KCNA4: variants seen among roughly 807,000 people sequenced by gnomAD.
The protein encoded by KCNA4 is cardiac potassium channel.
A neutral mutation model predicts 37.2 loss-of-function variants in KCNA4; 5 were observed. That is an observed-to-expected ratio of 0.13 (90% confidence interval 0.07 to 0.28). The LOEUF (loss-of-function observed/expected upper bound fraction) is 0.28, where lower values mean the gene tolerates loss of function less well. KCNA4 is among the 10% of genes least tolerant of loss of function. KCNA4 has a pLI of 1.00. For synonymous variants in KCNA4, 350 were observed against 311.8 expected, an observed-to-expected ratio of 1.12 and a Z score of -1.29; for missense variants, 634 against 817.4, an observed-to-expected ratio of 0.78 and a Z score of 2.74.
chr11:30,014,916 C>T (rs780626346), intron 1 of KCNA4, among the ~76,000 whole-genome samples: 32 of 152,112 alleles, frequency 2.1e-4, no homozygotes, highest in Admixed American at 3.9e-4. Flanking sequence ...AGAGAAATGG[C>T]TTTCTGAAGC....
chr11:30,011,510 C>T lies in KCNA4; in HGVS notation c.1169G>A (p.Cys390Tyr), dbSNP rs1238437694. ...VWFSFEFVVRCFACPSQALFF... is the reference protein window; with the variant it reads ...VWFSFEFVVRYFACPSQALFF... The stretch of plus-strand genomic sequence containing the variant: ...GAGTGCTTGGCTGGGACAAGCAAAG[C>T]AGCGAACCACAAACTCAAAGGAAAA... The change falls in exon 2 of 2, where the codon TGC becomes TAC. Residue 390 changes from cysteine (C) to tyrosine (Y), a missense_variant. Cys to Tyr is a radical substitution (Grantham distance 194). Transcript: ENST00000328224. This position sits in a 1 kb window ranked among gnomAD's most constrained non-coding sequence, Gnocchi z 5.6. 6.2e-7 allele frequency: 1 copy of T among 1,614,110 alleles called. No individual in the cohort carries two copies. Among genetic ancestry groups the T allele is most frequent in the East Asian group, 2.2e-5 (1 of 44,868 alleles).
Position 30,009,993 on chromosome 11 carries a change from G to A in KCNA4, c.*724C>T, listed in dbSNP as rs148575227. 1 of 152,192 alleles carries A rather than the reference G, an allele frequency of 6.6e-6. No homozygotes were observed. Among genetic ancestry groups the A allele is most frequent in the Non-Finnish European group, 1.5e-5 (1 of 67,982 alleles). 9.4% of individuals were successfully genotyped at this position (152,192 alleles called of 1,614,324 possible). A position where few individuals can be genotyped will look rare whatever the true frequency, so the allele number is the denominator to read the frequency against. ...TGCAAAGAAAAAAAAATCCAGTCCTGTTACCTGCAAACAAAACTTATTACA... is the reference window on the plus strand; with the variant it reads ...TGCAAAGAAAAAAAAATCCAGTCCTATTACCTGCAAACAAAACTTATTACA... On this transcript the variant is annotated 3_prime_UTR_variant, in exon 2 of 2. Coordinates refer to ENST00000328224, the MANE Select transcript of KCNA4 (RefSeq NM_002233.4).
At chr11:30,016,073 T>C (rs1850347535) in intron 1 of KCNA4, among the ~76,000 whole-genome samples, 1 of 152,000 alleles carries the variant, frequency 6.6e-6, no homozygotes, top group East Asian at 1.9e-4. Context: ...GTGAGAAATA[T>C]ACACTTCAAC....
At position 30,011,461 on chromosome 11, in the gene KCNA4, G is replaced by A; in HGVS notation, c.1218C>T (p.Ile406=). The change falls in exon 2 of 2, where the codon ATC becomes ATT. Residue 406 remains isoleucine (I), a synonymous_variant. Coordinates refer to ENST00000328224, the MANE Select transcript of KCNA4 (RefSeq NM_002233.4). This position sits in a 1 kb window ranked among gnomAD's most constrained non-coding sequence, Gnocchi z 5.6. The stretch of plus-strand genomic sequence containing the variant: ...AAGGCAAAATGGAGACAATGTCAAT[G>A]ATGTTCATGATGTTTTTGAAGAAGA... ...QALFFKNIMN[I]IDIVSILPYF... 6.2e-7 allele frequency: 1 copy of A among 1,614,164 alleles called. No homozygotes were observed. The highest frequency in any genetic ancestry group is 8.5e-7 in the Non-Finnish European group (1 of 1,180,030).
chr11:30,012,592 C>G lies in KCNA4; in HGVS notation c.87G>C (p.Glu29Asp). 1 of 1,607,998 alleles carries G rather than the reference C, an allele frequency of 6.2e-7. No homozygotes were observed. Among genetic ancestry groups the G allele is most frequent in the Middle Eastern group, 1.7e-4 (1 of 6,060 alleles). ...YGYAAQARAR[E>D]RERLAHSRAA... ...CCCTGGAGTGAGCAAGCCTCTCCCG[C>G]TCCCGGGCCCGGGCCTGGGCAGCAT... Residue 29 changes from glutamate to aspartate, a missense_variant, in exon 2 of 2, where the codon GAG (glutamate) becomes GAC (aspartate). Around this residue, in one of 8 missense-constraint regions of KCNA4, gnomAD observed 236 missense variants for 229.5 expected, o/e 1.03. Transcript: ENST00000328224.
At position 30,011,218 on chromosome 11, in the gene KCNA4, A is replaced by T. The variant is rs1850299856; in HGVS notation, c.1461T>A (p.Ile487=). 6.2e-7 allele frequency: 1 copy of T among 1,614,156 alleles called. No homozygotes were observed. Among genetic ancestry groups the T allele is most frequent in the East Asian group, 2.2e-5 (1 of 44,860 alleles). ...CAGCACTAGAAAAGAGGATGACCCC[A>T]ATGAAGAGGAAGAAGATCAGAAGGC... ...ELGLLIFFLF[I]GVILFSSAVY... is the part of the protein sequence containing the mutation. The change falls in exon 2 of 2, where the codon ATT becomes ATA. Residue 487 remains isoleucine (I), a synonymous_variant. Coordinates refer to ENST00000328224, the MANE Select transcript of KCNA4 (RefSeq NM_002233.4). The surrounding 1 kb of genome is among the most constrained non-coding windows in gnomAD (Gnocchi z 5.6).
chr11:30,015,418 C>A (rs771538612), intron 1 of KCNA4, among the ~76,000 whole-genome samples: 1 of 152,200 alleles, frequency 6.6e-6, no homozygotes, highest in Non-Finnish European at 1.5e-5. Flanking sequence ...CACACACTGC[C>A]TTCCCACCCA....
In KCNA4 at chr11:30,010,463, T is replaced by C; in HGVS notation, c.*254A>G. On this transcript the variant is annotated 3_prime_UTR_variant, in exon 2 of 2. Coordinates refer to ENST00000328224, the MANE Select transcript of KCNA4 (RefSeq NM_002233.4). ...TCTTTACTGTTAACATCTTTTCCAG[T>C]TAATGTGCAAAATTCTTGCATTCTA... The C allele has an allele frequency of 1.9e-6, 1 of 522,992 alleles. No individual in the cohort carries two copies. Among genetic ancestry groups the C allele is most frequent in the Non-Finnish European group, 3.2e-6 (1 of 312,746 alleles). The allele number at this position is 522,992 out of a possible 1,614,324, so 32.4% of individuals were successfully genotyped here. A position where few individuals can be genotyped will look rare whatever the true frequency, so the allele number is the denominator to read the frequency against.
In KCNA4 at chr11:30,012,730, A is replaced by G; in HGVS notation, c.-52T>C. 1.3e-6 allele frequency: 2 copies of G among 1,507,202 alleles called. No individual in the cohort carries two copies. Among genetic ancestry groups the G allele is most frequent in the South Asian group, 1.4e-5 (1 of 73,382 alleles). 93.4% of individuals were successfully genotyped at this position (1,507,202 alleles called of 1,614,324 possible). ...TCCAGTTGTAGAAGAAGAAGAAAGA[A>G]AAATAGGGCAGCTTCTTTTCTCACC... is the stretch of plus-strand genomic sequence containing the variant. On this transcript the variant is annotated 5_prime_UTR_variant, in exon 2 of 2. Transcript: ENST00000328224.
intron 1 of KCNA4, among the ~76,000 whole-genome samples, chr11:30,014,614 C>T (rs1038802451): frequency 6.6e-6 from 1 of 151,894 alleles, no homozygotes; most frequent in African/African-American, 2.4e-5. Flanking sequence ...CAATCTCACA[C>T]TTCTGAATTG....
Position 30,011,501 on chromosome 11 carries a change from C to G in KCNA4, c.1178G>C (p.Cys393Ser). The change falls in exon 2 of 2, where the codon TGT becomes TCT. Residue 393 changes from cysteine to serine, a missense_variant. This residue lies in a region of KCNA4 where 252 missense variants were observed against 344.2 expected (regional missense o/e 0.73). Coordinates refer to ENST00000328224, the MANE Select transcript of KCNA4 (RefSeq NM_002233.4). This position sits in a 1 kb window ranked among gnomAD's most constrained non-coding sequence, Gnocchi z 5.6. The stretch of plus-strand genomic sequence containing the variant: ...TTTGAAGAAGAGTGCTTGGCTGGGA[C>G]AAGCAAAGCAGCGAACCACAAACTC... ...SFEFVVRCFA[C>S]PSQALFFKNI... The G allele has an allele frequency of 6.2e-7, 1 of 1,614,074 alleles. No homozygotes were observed. The highest frequency in any genetic ancestry group is 1.1e-5 in the South Asian group (1 of 91,064).
Position 30,011,596 on chromosome 11 carries a change from G to C in KCNA4, c.1083C>G (p.Asn361Lys). Residue 361 changes from asparagine (N) to lysine (K), a missense_variant, in exon 2 of 2, where the codon AAC (asparagine) becomes AAG (lysine). Around this residue, in one of 8 missense-constraint regions of KCNA4, gnomAD observed 252 missense variants for 344.2 expected, o/e 0.73. Transcript: ENST00000328224. This position sits in a 1 kb window ranked among gnomAD's most constrained non-coding sequence, Gnocchi z 5.6. ...LNDTSAPHLE[N>K]SGHTIFNDPF... The stretch of plus-strand genomic sequence containing the variant: ...GGTCATTGAATATTGTGTGCCCTGA[G>C]TTCTCCAGATGGGGTGCTGAAGTAT... 6.2e-7 allele frequency: 1 copy of C among 1,614,072 alleles called. No individual in the cohort carries two copies. The highest frequency in any genetic ancestry group is 8.5e-7 in the Non-Finnish European group (1 of 1,180,022).
Position 30,010,794 on chromosome 11 carries a change from A to C in KCNA4, c.1885T>G (p.Cys629Gly), listed in dbSNP as rs773413152. 1.2e-6 allele frequency: 2 copies of C among 1,614,016 alleles called. No individual in the cohort carries two copies. Among genetic ancestry groups the C allele is most frequent in the Non-Finnish European group, 1.7e-6 (2 of 1,180,030 alleles). Residue 629 changes from cysteine to glycine, a missense_variant, in exon 2 of 2, where the codon TGT becomes GGT. This residue lies in a region of KCNA4 where 91 missense variants were observed against 95.8 expected (regional missense o/e 0.95). Transcript: ENST00000328224. ...KESLCAKEEK[C>G]QGKGDDSETD... ...TCACTGTCATCCCCCTTTCCCTGAC[A>C]CTTCTCCTCCTTTGCACACAGAGAT...
Position 30,016,676 on chromosome 11 carries a change from T to C in KCNA4, c.-887A>G. ...GGAGGAGGGGAAGAATGATCCTGGG[T>C]GGGGGGCGGGGGGTGGTAAAAGGAA... On this transcript the variant is annotated 5_prime_UTR_variant, in exon 1 of 2. Transcript: ENST00000328224. The C allele has an allele frequency of 5.4e-6, 1 of 186,600 alleles. No homozygotes were observed. The highest frequency in any genetic ancestry group is 8.9e-6 in the Non-Finnish European group (1 of 112,194). The allele number at this position is 186,600 out of a possible 1,614,324, so 11.6% of individuals were successfully genotyped here. A position where few individuals can be genotyped will look rare whatever the true frequency, so the allele number is the denominator to read the frequency against.
At chr11:30,014,743 AG>A (rs1850336626) in intron 1 of KCNA4, among the ~76,000 whole-genome samples, 1 of 151,992 alleles carries the variant, frequency 6.6e-6, no homozygotes, top group Non-Finnish European at 1.5e-5. Flanking sequence ...GCCCTGTAAA[AG>A]CCCCCATCCA....
Position 30,012,252 on chromosome 11 carries a change from T to C in KCNA4, c.427A>G (p.Ser143Gly). The change falls in exon 2 of 2, where the codon AGT (serine) becomes GGT (glycine). Residue 143 changes from serine to glycine, a missense_variant. By Grantham distance (56) the Ser-to-Gly change is moderately conservative. This residue lies in a region of KCNA4 where 236 missense variants were observed against 229.5 expected (regional missense o/e 1.03). Transcript: ENST00000328224. ...CACTCATCACCATGGTCATCTTCAC[T>C]ATAGTAAAACCTTCCCTCCTCTTCC... ...EEEEEGRFYY[S>G]EDDHGDECSY... The C allele has an allele frequency of 1.9e-6, 3 of 1,614,026 alleles. No homozygotes were observed. The highest frequency in any genetic ancestry group is 2.5e-6 in the Non-Finnish European group (3 of 1,180,016).
In KCNA4 at chr11:30,010,748, G is replaced by A. The variant is rs1268476403; in HGVS notation, c.1931C>T (p.Ser644Phe). 5 of 1,612,186 alleles carry A rather than the reference G, an allele frequency of 3.1e-6. No individual in the cohort carries two copies. Among genetic ancestry groups the A allele is most frequent in the Non-Finnish European group, 4.2e-6 (5 of 1,179,170 alleles). Residue 644 changes from serine to phenylalanine, a missense_variant, in exon 2 of 2, where the codon TCT (serine) becomes TTT (phenylalanine). By Grantham distance (155) the Ser-to-Phe change is radical (BLOSUM62 -2). This residue lies in a region of KCNA4 where 91 missense variants were observed against 95.8 expected (regional missense o/e 0.95). Coordinates refer to ENST00000328224, the MANE Select transcript of KCNA4 (RefSeq NM_002233.4). ...ATCAGTCTCCACAGCCTTTGCATTA[G>A]AACAGTTGTTTTTATCTGTCTCACT... is the stretch of plus-strand genomic sequence containing the variant. ...DDSETDKNNC[S>F]NAKAVETDV
chr11:30,011,710 G>A lies in KCNA4; in HGVS notation c.969C>T (p.Ile323=), dbSNP rs774560753. The part of the protein sequence containing the change: ...SVLVILISIV[I]FCLETLPEFR... ...ACTCAGGCAAGGTTTCCAGGCAAAA[G>A]ATGACAATGGAGATTAAGATGACCA... Residue 323 remains isoleucine (I), a synonymous_variant, in exon 2 of 2, where the codon ATC becomes ATT. Coordinates refer to ENST00000328224, the MANE Select transcript of KCNA4 (RefSeq NM_002233.4). The surrounding 1 kb of genome is among the most constrained non-coding windows in gnomAD (Gnocchi z 5.6). 6.2e-7 allele frequency: 1 copy of A among 1,614,108 alleles called. No individual in the cohort carries two copies. Among genetic ancestry groups the A allele is most frequent in the Non-Finnish European group, 8.5e-7 (1 of 1,180,036 alleles).
Position 30,011,709 on chromosome 11 carries a change from A to G in KCNA4, c.970T>C (p.Phe324Leu). The G allele has an allele frequency of 6.2e-7, 1 of 1,614,112 alleles. No homozygotes were observed. Among genetic ancestry groups the G allele is most frequent in the Non-Finnish European group, 8.5e-7 (1 of 1,180,030 alleles). ...AACTCAGGCAAGGTTTCCAGGCAAAAGATGACAATGGAGATTAAGATGACC... is the reference window on the plus strand; with the variant it reads ...AACTCAGGCAAGGTTTCCAGGCAAAGGATGACAATGGAGATTAAGATGACC... ...VLVILISIVI[F>L]CLETLPEFRD... Residue 324 changes from phenylalanine to leucine, a missense_variant, in exon 2 of 2, where the codon TTT (phenylalanine) becomes CTT (leucine). This residue lies in a region of KCNA4 where 252 missense variants were observed against 344.2 expected (regional missense o/e 0.73). Coordinates refer to ENST00000328224, the MANE Select transcript of KCNA4 (RefSeq NM_002233.4). The surrounding 1 kb of genome is among the most constrained non-coding windows in gnomAD (Gnocchi z 5.6).
Sources: gnomAD v4.1 joint callset for allele counts (sites outside exome capture counted in the v4.1 genomes callset) on GRCh38, gnomAD v4.1.1 for gene constraint, gnomAD v4.1.1 regional missense constraint, Gnocchi (gnomAD v3.1) non-coding constraint, MANE v1.5 for transcripts, NCBI Gene and HGNC (gene_info 2026-07-23, HGNC 2026-07-21) for gene names.